SNX14: variants seen among roughly 807,000 people sequenced by gnomAD.
SNX14 encodes sorting nexin 14.
SNX14 carries 93 observed loss-of-function variants against 133.8 expected under a neutral mutation model. The observed-to-expected ratio is 0.70, with a 90% CI of 0.59 to 0.83. The LOEUF (loss-of-function observed/expected upper bound fraction) is 0.83, where lower values mean the gene tolerates loss of function less well. Ranked by LOEUF, SNX14 falls within the 40% of genes least tolerant of loss-of-function variation. SNX14 has a pLI of 0.00. For missense variants in SNX14, 945 were observed against 1,094.9 expected (o/e 0.86, Z 1.93); for synonymous variants, 368 against 365.6 (o/e 1.01, Z -0.07).
Position 85,549,868 on chromosome 6 carries a change from CTG to C in SNX14, c.644_645del (p.Thr215ArgfsTer25). On this transcript the variant is annotated frameshift_variant, in exon 8 of 29. Transcript: ENST00000314673. LOFTEE classifies it high-confidence loss of function. ...TCTAAAGCAGCTTGCTGTAAAAACT[CTG>C]TATTTTTTACTATAGAGATTAAAGA... ...IVKARQKVKN[T>X]EFLQQAALEE... The C allele has an allele frequency of 6.2e-7, 1 of 1,604,040 alleles. No homozygotes were observed. Among genetic ancestry groups the C allele is most frequent in the Non-Finnish European group, 8.5e-7 (1 of 1,176,578 alleles).
In SNX14 at chr6:85,547,511, T is replaced by A; in HGVS notation, c.907A>T (p.Ser303Cys). ...CTAATATATTCAATACTCACTGGAC[T>A]GTCATCTATGAAGATGATAAGCAAA... ...NHLLIIFIDD[S>C]PPEKATEPAS... Residue 303 changes from serine to cysteine, a missense_variant, in exon 10 of 29, where the codon AGT (serine) becomes TGT (cysteine). Transcript: ENST00000314673. 6.2e-7 allele frequency: 1 copy of A among 1,603,488 alleles called. No homozygotes were observed. The highest frequency in any genetic ancestry group is 1.1e-5 in the South Asian group (1 of 88,164).
At chr6:85,582,119 T>C (rs764782098) in intron 1 of SNX14, among the ~76,000 whole-genome samples, 4 of 151,954 alleles carry the variant, frequency 2.6e-5, no homozygotes, top group Non-Finnish European at 4.4e-5. Flanking sequence ...ACAAATGACA[T>C]ACAATGGAGC....
intron 1 of SNX14, among the ~76,000 whole-genome samples, chr6:85,582,500 T>G (rs941101649): frequency 6.6e-6 from 1 of 152,030 alleles, no homozygotes; most frequent in African/African-American, 2.4e-5. Flanking sequence ...AGCCGATTTT[T>G]TTTTTTGAAA....
intron 6 of SNX14, among the ~76,000 whole-genome samples, chr6:85,558,313 T>C (rs1301912495): frequency 6.6e-6 from 1 of 152,250 alleles, no homozygotes; most frequent in East Asian, 1.9e-4. Context: ...TCTTTACTCC[T>C]AGCTTCTTTA....
At chr6:85,506,115 A>C in intron 28 of SNX14, 110 bp from the exon 29 acceptor site, 1 of 718,846 alleles carries the variant, frequency 1.4e-6, no homozygotes, top group Admixed American at 2.6e-5. Context: ...TATATTGTAA[A>C]CCAAAATAAA....
chr6:85,510,478 T>C (rs1405269966), intron 26 of SNX14, among the ~76,000 whole-genome samples: 3 of 152,210 alleles, frequency 2.0e-5, no homozygotes, highest in East Asian at 1.9e-4. Context: ...TGTGTTCTTA[T>C]TGTTGAGTTT....
At chr6:85,586,150 G>T (rs1340167914) in intron 1 of SNX14, among the ~76,000 whole-genome samples, 1 of 152,070 alleles carries the variant, frequency 6.6e-6, no homozygotes, top group Non-Finnish European at 1.5e-5. Flanking sequence ...CAAGTCAATG[G>T]CAAGGAGAAA....
At chr6:85,519,002 G>C (rs563179440) in intron 21 of SNX14, among the ~76,000 whole-genome samples, 1 of 152,304 alleles carries the variant, frequency 6.6e-6, no homozygotes, top group African/African-American at 2.4e-5. Flanking sequence ...AACTCAGTAA[G>C]TTCAAAACTG....
In SNX14 at chr6:85,533,767, A is replaced by G; in HGVS notation, c.1642T>C (p.Ser548Pro). ...EEGIVVMEDD[S>P]PVEAVSTPNT... ...GGTGTGCTCACAGCCTCCACTGGAG[A>G]ATCATCTTCCATTACAACAATACCT... The change falls in exon 18 of 29, where the codon TCT (serine) becomes CCT (proline). Residue 548 changes from serine to proline, a missense_variant. Around this residue, in one of 3 missense-constraint regions of SNX14, gnomAD observed 412 missense variants for 516.6 expected, o/e 0.80. Coordinates refer to ENST00000314673, the MANE Select transcript of SNX14 (RefSeq NM_153816.6). The G allele has an allele frequency of 6.2e-7, 1 of 1,613,710 alleles. No homozygotes were observed. The highest frequency in any genetic ancestry group is 8.5e-7 in the Non-Finnish European group (1 of 1,179,984).
chr6:85,530,201 C>A lies in SNX14; in HGVS notation c.1885G>T (p.Glu629Ter). The A allele has an allele frequency of 6.3e-7, 1 of 1,578,976 alleles. No homozygotes were observed. The highest frequency in any genetic ancestry group is 8.7e-7 in the Non-Finnish European group (1 of 1,154,918). Residue 629 changes from glutamate to a stop codon, truncating the protein, a stop_gained, in exon 19 of 29, where the codon GAA becomes TAA. Coordinates refer to ENST00000314673, the MANE Select transcript of SNX14 (RefSeq NM_153816.6). LOFTEE classifies it high-confidence loss of function. Reference protein sequence around the residue: ...EFYVLESKLTEFHGAFPDAQL... With the variant: ...EFYVLESKLT ...AAAAAGAATAACATACCATGAAATT[C>A]TGTTAGTTTTGATTCAAGTACATAG...
At chr6:85,579,133 G>A (rs1028343946) in intron 1 of SNX14, among the ~76,000 whole-genome samples, 21 of 151,258 alleles carry the variant, frequency 1.4e-4, no homozygotes, top group South Asian at 8.4e-4. Context: ...ATGGGACTCC[G>A]TCTAAAAAAA....
At chr6:85,533,167 G>A (rs1319572650) in intron 18 of SNX14, among the ~76,000 whole-genome samples, 3 of 152,164 alleles carry the variant, frequency 2.0e-5, no homozygotes, top group Non-Finnish European at 2.9e-5. Context: ...GATTACAGGC[G>A]TGAGCCACCA....
chr6:85,570,531 T>C (rs1795196480), intron 4 of SNX14, among the ~76,000 whole-genome samples: 2 of 152,148 alleles, frequency 1.3e-5, no homozygotes, highest in Non-Finnish European at 2.9e-5. Context: ...ATCCAAAATA[T>C]TATCATTTCA....
At chr6:85,542,514 C>A (rs1345931277) in intron 14 of SNX14, among the ~76,000 whole-genome samples, 1 of 152,136 alleles carries the variant, frequency 6.6e-6, no homozygotes, top group Non-Finnish European at 1.5e-5. Context: ...CCTGCCTCAG[C>A]CTCCCAAGTA....
intron 21 of SNX14, among the ~76,000 whole-genome samples, chr6:85,520,900 G>C (rs1776650032): frequency 6.6e-6 from 1 of 152,040 alleles, no homozygotes; most frequent in Non-Finnish European, 1.5e-5. Flanking sequence ...TTCTAGTTTG[G>C]GCTATACAAA....
intron 8 of SNX14, 133 bp from the exon 9 acceptor site, chr6:85,548,509 A>G: frequency 1.6e-6 from 1 of 623,556 alleles, no homozygotes; most frequent in Non-Finnish European, 2.7e-6. Flanking sequence ...GTTAGGCCCT[A>G]AAAGTCTGCA....
At chr6:85,547,705 G>GT (rs1786178025) in intron 9 of SNX14, among the ~76,000 whole-genome samples, 155 bp from the exon 10 acceptor site, 1 of 152,144 alleles carries the variant, frequency 6.6e-6, no homozygotes, top group African/African-American at 2.4e-5. Flanking sequence ...TACAGCAGGA[G>GT]TTTTTTTACA....
rs757461848 is a variant in SNX14, at chr6:85,528,393, G to C, written c.1895-31C>G. The stretch of plus-strand genomic sequence containing the variant: ...ATTAGTATATATTATAGTTATTACT[G>C]TGTTCTGCTACTATTTTTAAAACCT... On this transcript the variant is annotated intron_variant, in intron 19 of 28. Transcript: ENST00000314673. 1.1e-5 allele frequency: 17 copies of C among 1,520,314 alleles called. No individual in the cohort carries two copies. The South Asian group carries it at 2.1e-4, about 18-fold the overall frequency. The allele number at this position is 1,520,314 out of a possible 1,614,324, so 94.2% of individuals were successfully genotyped here.
intron 7 of SNX14, among the ~76,000 whole-genome samples, chr6:85,553,156 A>T (rs1320024220): frequency 6.6e-6 from 1 of 152,180 alleles, no homozygotes; most frequent in African/African-American, 2.4e-5. Flanking sequence ...TGAAAATCCC[A>T]GTGTCAGTGC....
Sources: gnomAD v4.1 joint callset for allele counts (sites outside exome capture counted in the v4.1 genomes callset) on GRCh38, gnomAD v4.1.1 for gene constraint, gnomAD v4.1.1 regional missense constraint, MANE v1.5 for transcripts, NCBI Gene and HGNC (gene_info 2026-07-23, HGNC 2026-07-21) for gene names.